Variants in VWA8 observed in about 807,000 individuals in gnomAD.
VWA8 encodes the protein von Willebrand factor A domain-containing protein 8.
VWA8 carries 221 observed loss-of-function variants against 241.5 expected under a neutral mutation model. The observed-to-expected ratio is 0.91, with a 90% CI of 0.82 to 1.02. VWA8 has a LOEUF of 1.02. Ranked by LOEUF, VWA8 falls within the 50% of genes least tolerant of loss-of-function variation. VWA8 has a pLI of 0.00. For synonymous variants in VWA8, 852 were observed against 827.1 expected (o/e 1.03, Z -0.52); for missense variants, 2,322 against 2,328.7 (o/e 1.00, Z 0.06).
intron 37 of VWA8, among the ~76,000 whole-genome samples, chr13:41,665,933 A>T (rs1481061441): frequency 6.6e-6 from 1 of 152,162 alleles, no homozygotes; most frequent in Non-Finnish European, 1.5e-5. Context: ...TTAGTTTAAC[A>T]TTCTATAATT....
chr13:41,725,823 T>C (rs988970532), intron 24 of VWA8, among the ~76,000 whole-genome samples: 10 of 152,210 alleles, frequency 6.6e-5, no homozygotes, highest in Non-Finnish European at 1.5e-4. Context: ...TTTTCTTTGG[T>C]GTGTTTACAT....
intron 17 of VWA8, among the ~76,000 whole-genome samples, chr13:41,800,470 T>G (rs1027870629): frequency 1.3e-5 from 2 of 152,172 alleles, no homozygotes; most frequent in African/African-American, 4.8e-5. Context: ...CTAGCTTTTC[T>G]ATGGCCTTTA....
chr13:41,952,659 G>A (rs116114433), intron 1 of VWA8, among the ~76,000 whole-genome samples: 1,768 of 152,200 alleles, frequency 0.012, 37 homozygotes, highest in African/African-American at 0.041. Flanking sequence ...CTGAGTGTTA[G>A]AGCTGACCGA....
chr13:41,698,989 A>G, intron 29 of VWA8, 82 bp downstream of exon 29: 1 of 1,580,734 alleles, frequency 6.3e-7, no homozygotes, highest in African/African-American at 1.3e-5. Context: ...ATGAAAGCAC[A>G]TCTTTTCAGT....
intron 37 of VWA8, among the ~76,000 whole-genome samples, chr13:41,648,578 T>C (rs962083577): frequency 1.3e-5 from 2 of 152,250 alleles, no homozygotes; most frequent in African/African-American, 2.4e-5. Context: ...AGGAATTTCA[T>C]CTATGTCTAT....
chr13:41,841,513 G>A (rs1871999223), intron 12 of VWA8, among the ~76,000 whole-genome samples: 1 of 151,942 alleles, frequency 6.6e-6, no homozygotes, highest in Admixed American at 6.6e-5. Flanking sequence ...TAGGCCGGGT[G>A]CGGTGGCTCA....
At chr13:41,689,587 C>T (rs1294463388) in intron 33 of VWA8, 79 bp from the exon 34 acceptor site, 3 of 1,309,590 alleles carry the variant, frequency 2.3e-6, no homozygotes, top group South Asian at 2.1e-5. Context: ...TTATTCTCAA[C>T]AAGTCAAATG....
chr13:41,591,744 T>C (rs1038045380), intron 40 of VWA8, among the ~76,000 whole-genome samples: 26 of 147,208 alleles, frequency 1.8e-4, no homozygotes, highest in East Asian at 5.9e-4. Flanking sequence ...ATCAGAGAAA[T>C]GCAAATCAAA....
chr13:41,870,366 C>T (rs60088575), intron 9 of VWA8, among the ~76,000 whole-genome samples: 35,046 of 152,036 alleles, frequency 0.23, 4,096 homozygotes, highest in East Asian at 0.3. Context: ...TGGCTGGGCG[C>T]AAAGGCTAAT....
intron 21 of VWA8, among the ~76,000 whole-genome samples, chr13:41,734,874 T>C (rs2045513091): frequency 6.6e-6 from 1 of 152,212 alleles, no homozygotes; most frequent in Non-Finnish European, 1.5e-5. Flanking sequence ...AAGTGAAAAA[T>C]ACATTGTGGC....
chr13:41,626,671 G>T (rs1266801211), intron 37 of VWA8, among the ~76,000 whole-genome samples: 1 of 152,120 alleles, frequency 6.6e-6, no homozygotes, highest in East Asian at 1.9e-4. Context: ...AATGGGGAAA[G>T]GATTCCCTAT....
intron 42 of VWA8, among the ~76,000 whole-genome samples, chr13:41,580,161 T>C (rs1016893869): frequency 1.3e-5 from 2 of 152,112 alleles, no homozygotes; most frequent in Non-Finnish European, 2.9e-5. Flanking sequence ...GGCCCAGTGT[T>C]TTTACTACAG....
chr13:41,755,497 TTTA>T (rs1385558466), intron 21 of VWA8, among the ~76,000 whole-genome samples: 3 of 151,954 alleles, frequency 2.0e-5, no homozygotes, highest in African/African-American at 7.2e-5. Flanking sequence ...CTTTGAAATT[TTTA>T]TTATATTTTC....
Position 41,944,006 on chromosome 13 carries a change from G to C in VWA8, c.241+5930C>G, listed in dbSNP as rs534373850. On this transcript the variant is annotated intron_variant, in intron 2 of 44. Transcript: ENST00000379310. ...TGTAATCCCAGCTACTCGGGAGGCT[G>C]AGGTAGGAGAATCGCTTGAACCTGG... 3.8e-4 allele frequency among the ~76,000 whole-genome samples: 58 copies of C among 152,088 alleles called. 1 individual carries two copies. The South Asian group carries it at 0.012, about 32-fold the overall frequency.
intron 37 of VWA8, among the ~76,000 whole-genome samples, chr13:41,616,109 G>C (rs901702772): frequency 6.6e-6 from 1 of 152,204 alleles, no homozygotes; most frequent in Non-Finnish European, 1.5e-5. Flanking sequence ...CCTGAAGTCA[G>C]TCTTTAGAGT....
At chr13:41,764,844 A>C (rs1566447589) in intron 20 of VWA8, among the ~76,000 whole-genome samples, 1 of 152,130 alleles carries the variant, frequency 6.6e-6, no homozygotes, top group East Asian at 1.9e-4. Flanking sequence ...AGCACCAAGA[A>C]GCCACTGAAG....
intron 37 of VWA8, among the ~76,000 whole-genome samples, chr13:41,627,241 T>C: frequency 6.6e-6 from 1 of 152,148 alleles, no homozygotes; most frequent in Non-Finnish European, 1.5e-5. Context: ...AGAATGGCCA[T>C]TATTAAAAAG....
At chr13:41,725,532 T>C (rs73183323) in intron 24 of VWA8, among the ~76,000 whole-genome samples, 2,044 of 152,294 alleles carry the variant, frequency 0.013, 12 homozygotes, top group South Asian at 0.019. Flanking sequence ...CATATGTGTA[T>C]ACTGCAATCA....
intron 9 of VWA8, among the ~76,000 whole-genome samples, chr13:41,869,477 C>G (rs999348449): frequency 2.0e-5 from 3 of 151,396 alleles, no homozygotes; most frequent in African/African-American, 7.3e-5. Context: ...ACTAAAAATA[C>G]AAAAATTAGC....
Sources: allele counts gnomAD v4.1 joint callset (sites outside exome capture counted in the v4.1 genomes callset), GRCh38; gene constraint gnomAD v4.1.1; transcripts MANE v1.5; gene names NCBI Gene and HGNC (gene_info 2026-07-23, HGNC 2026-07-21).